The following C1orf21 variants were observed in gnomAD, a reference collection of about 807,000 sequenced individuals.
C1orf21 encodes the protein uncharacterized protein C1orf21.
In C1orf21, 3 loss-of-function variants were observed where a neutral mutation model predicts 18.7. The observed-to-expected ratio is 0.16, with a 90% CI of 0.07 to 0.42. The LOEUF is 0.42. C1orf21 is among the 10% of genes least tolerant of loss of function. The probability of loss-of-function intolerance (pLI) is 0.99; values close to 1 mark genes in which losing one functional copy is unlikely to be tolerated. For synonymous variants in C1orf21, 41 were observed against 46.4 expected (o/e 0.88, Z 0.47); for missense variants, 104 against 143.6 (o/e 0.72, Z 1.41).
At chr1:184,393,908 G>A (rs1041261700) in intron 1 of C1orf21, among the ~76,000 whole-genome samples, 2 of 151,698 alleles carry the variant, frequency 1.3e-5, no homozygotes, top group African/African-American at 4.8e-5. Flanking sequence ...TTTCCAATTT[G>A]TTGTAATTTT....
rs151013976 is a variant in C1orf21 at position 184,491,302 on chromosome 1, C to T, written c.94+13699C>T. ...AAAGCAAAACTTTTTCCTTAAAGTT[C>T]ATTTACCTGCAGATATCATTAGTGT... On this transcript the variant is annotated intron_variant, in intron 2 of 5. Transcript: ENST00000235307. Among the ~76,000 whole-genome samples the T allele has an allele frequency of 3.5e-3, 533 of 151,192 alleles. 1 individual carries two copies. Among genetic ancestry groups the T allele is most frequent in the Non-Finnish European group, 5.5e-3 (373 of 67,824 alleles).
chr1:184,511,326 T>C (rs1658140683), intron 3 of C1orf21, among the ~76,000 whole-genome samples: 1 of 152,172 alleles, frequency 6.6e-6, no homozygotes. Context: ...AAGCACATCA[T>C]ACATAAACCC....
In C1orf21 at chr1:184,416,521, A is replaced by G. The variant is rs189184408; in HGVS notation, c.-125+29153A>G. On this transcript the variant is annotated intron_variant, in intron 1 of 5. Transcript: ENST00000235307. ...AAATAATTTGTCATTGCTTAAAATT[A>G]AAAAAAAGCAAAAATGTCCAGCACA... Among the ~76,000 whole-genome samples, 21 of 152,052 alleles carry G rather than the reference A, an allele frequency of 1.4e-4. No individual in the cohort carries two copies. The East Asian group carries it at 4.1e-3, about 29-fold the overall frequency.
At position 184,387,671 on chromosome 1, in the gene C1orf21, C is replaced by T. The variant is rs1321390665; in HGVS notation, c.-125+303C>T. ...GGTCGGGGCTGCTGACGACTTTCGT[C>T]ACATCGAGGCCTGGGTGGCTGGTGT... is the stretch of plus-strand genomic sequence containing the variant. On this transcript the variant is annotated intron_variant, in intron 1 of 5. Transcript: ENST00000235307. The surrounding 1 kb of genome is among the most constrained non-coding windows in gnomAD (Gnocchi z 5.6). 6.6e-6 allele frequency among the ~76,000 whole-genome samples: 1 copy of T among 152,166 alleles called. No homozygotes were observed. The highest frequency in any genetic ancestry group is 6.5e-5 in the Admixed American group (1 of 15,282).
chr1:184,494,395 G>A (rs994459013), intron 2 of C1orf21, among the ~76,000 whole-genome samples: 1 of 152,150 alleles, frequency 6.6e-6, no homozygotes, highest in Non-Finnish European at 1.5e-5. Context: ...AGGGTTTTGA[G>A]TGCAGGGGAG....
At chr1:184,445,276 G>A (rs1657010588) in intron 1 of C1orf21, among the ~76,000 whole-genome samples, 1 of 151,378 alleles carries the variant, frequency 6.6e-6, no homozygotes. Flanking sequence ...TTAAAATCAG[G>A]CATGTTTTCA....
chr1:184,600,061 G>A (rs1295177852), intron 5 of C1orf21, among the ~76,000 whole-genome samples: 4 of 152,144 alleles, frequency 2.6e-5, no homozygotes, highest in South Asian at 2.1e-4. Context: ...AAAGATTTGC[G>A]TAGTAGTTAG....
chr1:184,548,464 G>A (rs891753671), intron 3 of C1orf21, among the ~76,000 whole-genome samples: 1 of 146,740 alleles, frequency 6.8e-6, no homozygotes, highest in African/African-American at 2.5e-5. Flanking sequence ...GCCCAGGCTG[G>A]AGTGCAGCGG....
chr1:184,550,644 C>A (rs1290889275), intron 3 of C1orf21, among the ~76,000 whole-genome samples: 1 of 152,122 alleles, frequency 6.6e-6, no homozygotes, highest in Admixed American at 6.5e-5. Flanking sequence ...AAACGATCCT[C>A]CAACCTCAGC....
At position 184,622,133 on chromosome 1, in the gene C1orf21, T is replaced by C. The variant is rs550088528; in HGVS notation, c.*2577T>C. ...GTATCTGAACATTAAGCAGATTGGCTCAGACACAATGAAAAGGATAATCCA... is the reference window on the plus strand; with the variant it reads ...GTATCTGAACATTAAGCAGATTGGCCCAGACACAATGAAAAGGATAATCCA... On this transcript the variant is annotated 3_prime_UTR_variant, in exon 6 of 6. Transcript: ENST00000235307. 6.6e-6 allele frequency: 1 copy of C among 152,314 alleles called. No homozygotes were observed. The highest frequency in any genetic ancestry group is 2.1e-4 in the South Asian group (1 of 4,830). 9.4% of individuals were successfully genotyped at this position (152,314 alleles called of 1,614,324 possible).
At chr1:184,539,808 G>A (rs936043434) in intron 3 of C1orf21, among the ~76,000 whole-genome samples, 1 of 152,158 alleles carries the variant, frequency 6.6e-6, no homozygotes, top group African/African-American at 2.4e-5. Context: ...TGAGTGGAGG[G>A]GATATGTGTC....
At chr1:184,390,262 G>A (rs182711648) in intron 1 of C1orf21, among the ~76,000 whole-genome samples, 1 of 152,236 alleles carries the variant, frequency 6.6e-6, no homozygotes, top group East Asian at 1.9e-4. Flanking sequence ...GATTTAAACT[G>A]TTTCATTCTG....
At chr1:184,454,137 T>C (rs997759558) in intron 1 of C1orf21, among the ~76,000 whole-genome samples, 11 of 152,208 alleles carry the variant, frequency 7.2e-5, no homozygotes, top group Non-Finnish European at 1.3e-4. Flanking sequence ...GTTTAAAACT[T>C]AATCCTTATC....
chr1:184,599,112 G>A (rs1363527862), intron 5 of C1orf21, among the ~76,000 whole-genome samples: 2 of 152,176 alleles, frequency 1.3e-5, no homozygotes, highest in Non-Finnish European at 2.9e-5. Flanking sequence ...TCATAATTAA[G>A]AGTTTACATA....
chr1:184,566,839 C>T (rs758514078), intron 3 of C1orf21: 2 of 484,622 alleles, frequency 4.1e-6, no homozygotes, highest in Non-Finnish European at 4.2e-6. Context: ...TAGAGTCTCA[C>T]ATCCAAATGC....
At chr1:184,524,364 G>C (rs1445598766) in intron 3 of C1orf21, among the ~76,000 whole-genome samples, 2 of 152,012 alleles carry the variant, frequency 1.3e-5, no homozygotes, top group Non-Finnish European at 1.5e-5. Context: ...AAAACTATAA[G>C]ACTGGGTACC....
Position 184,445,406 on chromosome 1 carries a change from G to C in C1orf21, c.-124-31980G>C, listed in dbSNP as rs1460517812. On this transcript the variant is annotated intron_variant, in intron 1 of 5. Transcript: ENST00000235307. ...AGCTGCTCTCCTTCTCCTTTCTTCT[G>C]TCTATTAAACTTTCCACTCTTTACC... is the stretch of plus-strand genomic sequence containing the variant. Among the ~76,000 whole-genome samples, 5 of 145,276 alleles carry C rather than the reference G, an allele frequency of 3.4e-5. No homozygotes were observed. In the East Asian group the frequency reaches 9.9e-4, roughly 29 times the overall value.
chr1:184,551,463 G>A (rs1571411080), intron 3 of C1orf21, among the ~76,000 whole-genome samples: 1 of 152,164 alleles, frequency 6.6e-6, no homozygotes, highest in Non-Finnish European at 1.5e-5. Context: ...TAACCTCAGG[G>A]CAGGGACTGT....
chr1:184,461,383 G>A (rs1271518238), intron 1 of C1orf21, among the ~76,000 whole-genome samples: 7 of 152,140 alleles, frequency 4.6e-5, no homozygotes, highest in South Asian at 4.1e-4. Context: ...GAGCCCTGGC[G>A]GGTTAGGGAT....
Sources: gnomAD v4.1 joint callset for allele counts (sites outside exome capture counted in the v4.1 genomes callset) on GRCh38, gnomAD v4.1.1 for gene constraint, Gnocchi (gnomAD v3.1) non-coding constraint, MANE v1.5 for transcripts, NCBI Gene and HGNC (gene_info 2026-07-23, HGNC 2026-07-21) for gene names.